Variants in RRAGD observed in about 807,000 individuals in gnomAD.
RRAGD encodes ras-related GTP-binding protein D.
In RRAGD, 12 loss-of-function variants were observed where a neutral mutation model predicts 35.5. That is an observed-to-expected ratio of 0.34 (90% CI 0.22 to 0.55). RRAGD has a LOEUF of 0.55. Ranked by LOEUF, RRAGD falls within the 20% of genes least tolerant of loss-of-function variation. The pLI, the probability that RRAGD is intolerant of heterozygous loss-of-function variation, is 0.91. For missense variants in RRAGD, 324 were observed against 490.1 expected (o/e 0.66, Z 3.20); for synonymous variants, 155 against 178.9 (o/e 0.87, Z 1.07).
intron 1 of RRAGD, among the ~76,000 whole-genome samples, chr6:89,398,973 T>C (rs557794537): frequency 1.4e-4 from 22 of 152,376 alleles, no homozygotes; most frequent in Admixed American, 5.9e-4. Flanking sequence ...GTCTATGCAT[T>C]CTATTTCTGC....
At position 89,365,614 on chromosome 6, in the gene RRAGD, T is replaced by C. The variant is rs1768726992; in HGVS notation, c.*2442A>G. 1.3e-5 allele frequency: 2 copies of C among 152,212 alleles called. No homozygotes were observed. 9.4% of individuals were successfully genotyped at this position (152,212 alleles called of 1,614,324 possible). ...TTACAAAGTTAGAGGCAGTAATCTA[T>C]ATTAGCGTGTGATTAATCAAAGAGT... On this transcript the variant is annotated 3_prime_UTR_variant, in exon 7 of 7. Transcript: ENST00000369415.
At chr6:89,406,526 T>C (rs940399464) in intron 1 of RRAGD, among the ~76,000 whole-genome samples, 8 of 151,854 alleles carry the variant, frequency 5.3e-5, no homozygotes, top group Non-Finnish European at 1.2e-4. Context: ...CGAGAGGACG[T>C]TGGGAGCACA....
chr6:89,399,582 G>A (rs1402239872), intron 1 of RRAGD, among the ~76,000 whole-genome samples: 1 of 152,046 alleles, frequency 6.6e-6, no homozygotes, highest in African/African-American at 2.4e-5. Flanking sequence ...GATCAGCCTG[G>A]GCAACATGGC....
intron 1 of RRAGD, among the ~76,000 whole-genome samples, chr6:89,408,961 T>G (rs1242611320): frequency 6.6e-6 from 1 of 152,142 alleles, no homozygotes; most frequent in Non-Finnish European, 1.5e-5. Context: ...TTACCTGCAA[T>G]TAACTACCAT....
At chr6:89,405,116 C>A (rs1769551002) in intron 1 of RRAGD, among the ~76,000 whole-genome samples, 1 of 151,898 alleles carries the variant, frequency 6.6e-6, no homozygotes, top group African/African-American at 2.4e-5. Flanking sequence ...TTTGGGAGGC[C>A]AAGGTGGGCG....
In RRAGD at chr6:89,412,000, C is replaced by G. The variant is rs1769711434; in HGVS notation, c.-7G>C. On this transcript the variant is annotated 5_prime_UTR_variant, in exon 1 of 7. Coordinates refer to ENST00000369415, the MANE Select transcript of RRAGD (RefSeq NM_021244.5). The surrounding 1 kb of genome is among the most constrained non-coding windows in gnomAD (Gnocchi z 5.6). ...TCCCCAGCACCTGGCTCATCGTGCC[C>G]ACCGGCCGGCCGGCCCGGGGACGGC... 1 of 1,525,582 alleles carries G rather than the reference C, an allele frequency of 6.6e-7. No homozygotes were observed. Among genetic ancestry groups the G allele is most frequent in the South Asian group, 1.2e-5 (1 of 83,030 alleles). 94.5% of individuals were successfully genotyped at this position (1,525,582 alleles called of 1,614,324 possible). A position where few individuals can be genotyped will look rare whatever the true frequency, so the allele number is the denominator to read the frequency against.
In RRAGD at chr6:89,411,954, C is replaced by T; in HGVS notation, c.40G>A (p.Asp14Asn). ...VLGKPQPQDE[D>N]DAEEEEEEDE... is the part of the protein sequence containing the mutation. ...TCCTCCTCCTCCTCCTCCGCGTCGT[C>T]CTCGTCCTGCGGCTGCGGCTTCCCC... The change falls in exon 1 of 7, where the codon GAC (aspartate) becomes AAC (asparagine). Residue 14 changes from aspartate (D) to asparagine (N), a missense_variant. By Grantham distance (23) the Asp-to-Asn change is conservative. This residue lies in a region of RRAGD where 96 missense variants were observed against 78.7 expected (regional missense o/e 1.22). Coordinates refer to ENST00000369415, the MANE Select transcript of RRAGD (RefSeq NM_021244.5). This position sits in a 1 kb window ranked among gnomAD's most constrained non-coding sequence, Gnocchi z 5.6. 1 of 1,538,554 alleles carries T rather than the reference C, an allele frequency of 6.5e-7. No homozygotes were observed. The highest frequency in any genetic ancestry group is 8.7e-7 in the Non-Finnish European group (1 of 1,146,190).
At chr6:89,373,617 CAAAAAAAA>C (rs55767009) in intron 5 of RRAGD, among the ~76,000 whole-genome samples, 1 of 65,714 alleles carries the variant, frequency 1.5e-5, no homozygotes, top group Non-Finnish European at 3.7e-5. Flanking sequence ...GACTCCGTCT[CAAAAAAAA>C]AAAAAAAAAA....
intron 2 of RRAGD, among the ~76,000 whole-genome samples, chr6:89,382,083 C>T (rs1398733919): frequency 6.6e-6 from 1 of 151,540 alleles, no homozygotes; most frequent in Non-Finnish European, 1.5e-5. Context: ...TGCCCCGCCA[C>T]TTGTGCCTCC....
At chr6:89,375,278 C>T (rs1367957717) in intron 5 of RRAGD, among the ~76,000 whole-genome samples, 2 of 152,042 alleles carry the variant, frequency 1.3e-5, no homozygotes, top group Non-Finnish European at 1.5e-5. Context: ...GCATGTATTA[C>T]TTTCACAATC....
intron 5 of RRAGD, among the ~76,000 whole-genome samples, chr6:89,374,085 TA>T (rs1768895157): frequency 6.6e-6 from 1 of 152,220 alleles, no homozygotes; most frequent in Non-Finnish European, 1.5e-5. Context: ...TGTTAAACCT[TA>T]CCACATTCAC....
Position 89,372,434 on chromosome 6 carries a change from T to C in RRAGD, c.1051+3A>G. On this transcript the variant is annotated splice_donor_region_variant and intron_variant, in intron 6 of 6. Coordinates refer to ENST00000369415, the MANE Select transcript of RRAGD (RefSeq NM_021244.5). ...CTTCTTTTAAATCACACCAAAAAGT[T>C]ACCTTTTCTTTCAAAGCTTTCCTCT... The C allele has an allele frequency of 6.2e-7, 1 of 1,610,230 alleles. No homozygotes were observed. The highest frequency in any genetic ancestry group is 8.5e-7 in the Non-Finnish European group (1 of 1,177,992).
At chr6:89,370,535 C>T (rs1768836781) in intron 6 of RRAGD, among the ~76,000 whole-genome samples, 1 of 152,094 alleles carries the variant, frequency 6.6e-6, no homozygotes, top group Non-Finnish European at 1.5e-5. Flanking sequence ...CATTAGAAGC[C>T]CCCAAAATGG....
intron 6 of RRAGD, 84 bp from the exon 7 acceptor site, chr6:89,368,291 A>G: frequency 8.4e-7 from 1 of 1,196,370 alleles, no homozygotes. Context: ...AGGACAAGCC[A>G]GTAGGGGGCA....
At chr6:89,380,800 G>A (rs997846288) in intron 2 of RRAGD, among the ~76,000 whole-genome samples, 4 of 151,962 alleles carry the variant, frequency 2.6e-5, no homozygotes, top group South Asian at 2.1e-4. Flanking sequence ...CCAGCTACTC[G>A]GGAGGCTGAG....
chr6:89,390,796 G>A (rs7774023), intron 1 of RRAGD, among the ~76,000 whole-genome samples: 4,889 of 152,144 alleles, frequency 0.032, 310 homozygotes, highest in East Asian at 0.27. Context: ...TACTTGGGAG[G>A]CTGAGGCAAG....
intron 5 of RRAGD, among the ~76,000 whole-genome samples, chr6:89,374,770 G>GTT (rs71759453): frequency 0.04 from 5,973 of 149,946 alleles, 360 homozygotes; most frequent in East Asian, 0.27. Context: ...CGTATTTTTT[G>GTT]TTTTTTTTAA....
chr6:89,400,979 C>G (rs1010789046), intron 1 of RRAGD, among the ~76,000 whole-genome samples: 2 of 152,162 alleles, frequency 1.3e-5, no homozygotes, highest in Non-Finnish European at 2.9e-5. Context: ...TGAGGCAGGG[C>G]TGCAGACACA....
At position 89,411,605 on chromosome 6, in the gene RRAGD, T is replaced by C; in HGVS notation, c.148+241A>G. On this transcript the variant is annotated intron_variant, in intron 1 of 6. Coordinates refer to ENST00000369415, the MANE Select transcript of RRAGD (RefSeq NM_021244.5). The surrounding 1 kb of genome is among the most constrained non-coding windows in gnomAD (Gnocchi z 5.6). ...GCGCGCGCTCCTCCAGCCCAGACGCTTACTCCCTCCTTCCCCTTTTCCACC... is the reference window on the plus strand; with the variant it reads ...GCGCGCGCTCCTCCAGCCCAGACGCCTACTCCCTCCTTCCCCTTTTCCACC... 1 of 547,866 alleles carries C rather than the reference T, an allele frequency of 1.8e-6. No homozygotes were observed. Among genetic ancestry groups the C allele is most frequent in the South Asian group, 2.1e-5 (1 of 47,330 alleles). 33.9% of individuals were successfully genotyped at this position (547,866 alleles called of 1,614,324 possible). A position where few individuals can be genotyped will look rare whatever the true frequency, so the allele number is the denominator to read the frequency against.
Sources: gnomAD v4.1 joint callset for allele counts (sites outside exome capture counted in the v4.1 genomes callset) on GRCh38, gnomAD v4.1.1 for gene constraint, gnomAD v4.1.1 regional missense constraint, Gnocchi (gnomAD v3.1) non-coding constraint, MANE v1.5 for transcripts, NCBI Gene and HGNC (gene_info 2026-07-23, HGNC 2026-07-21) for gene names.